LRBA: variants seen among roughly 807,000 people sequenced by gnomAD.
LRBA encodes lipopolysaccharide-responsive and beige-like anchor protein.
Under a neutral mutation model 330.0 loss-of-function variants are expected in LRBA, and 176 were observed. That is an observed-to-expected ratio of 0.53 (90% CI 0.47 to 0.60). The LOEUF is 0.60. Among genes scored for constraint, LRBA ranks in the 20% least tolerant of loss-of-function variants. The pLI, the probability that LRBA is intolerant of heterozygous loss-of-function variation, is 0.00. For missense variants in LRBA, 3,259 were observed against 3,444.8 expected, an observed-to-expected ratio of 0.95 and a Z score of 1.35; for synonymous variants, 1,230 against 1,193.0, an observed-to-expected ratio of 1.03 and a Z score of -0.64.
intron 35 of LRBA, among the ~76,000 whole-genome samples, chr4:150,751,792 T>C (rs1013872086): frequency 2.0e-5 from 3 of 152,172 alleles, no homozygotes; most frequent in Non-Finnish European, 4.4e-5. Flanking sequence ...AAAAGATTCA[T>C]ACTGGAGGCT....
chr4:150,383,502 C>T (rs1346878488), intron 47 of LRBA, among the ~76,000 whole-genome samples: 2 of 152,166 alleles, frequency 1.3e-5, no homozygotes, highest in Non-Finnish European at 2.9e-5. Context: ...GATCCTCCTC[C>T]TTGGCCTCCC....
intron 16 of LRBA, among the ~76,000 whole-genome samples, chr4:150,894,425 G>A (rs1729834224): frequency 6.6e-6 from 1 of 152,074 alleles, no homozygotes; most frequent in Non-Finnish European, 1.5e-5. Context: ...AACATTTACA[G>A]AATACCAGCA....
intron 36 of LRBA, among the ~76,000 whole-genome samples, chr4:150,696,121 T>G (rs1041705277): frequency 6.6e-6 from 1 of 152,082 alleles, no homozygotes; most frequent in Non-Finnish European, 1.5e-5. Context: ...TCCTAGCTAC[T>G]TGGGAGGATG....
At chr4:150,951,435 C>T (rs1181544329) in intron 2 of LRBA, among the ~76,000 whole-genome samples, 4 of 151,860 alleles carry the variant, frequency 2.6e-5, no homozygotes, top group Non-Finnish European at 5.9e-5. Context: ...GTGACACATT[C>T]CATTTTATCA....
chr4:150,909,678 A>G (rs1013459537), intron 9 of LRBA, among the ~76,000 whole-genome samples: 3 of 152,166 alleles, frequency 2.0e-5, no homozygotes, highest in Non-Finnish European at 4.4e-5. Flanking sequence ...TATATATCCC[A>G]TAAGTGAGAT....
intron 37 of LRBA, among the ~76,000 whole-genome samples, chr4:150,608,458 C>T (rs1030062467): frequency 6.6e-5 from 10 of 152,062 alleles, no homozygotes; most frequent in East Asian, 5.8e-4. Flanking sequence ...CAAAATAGAA[C>T]GGTGCCAAAA....
intron 47 of LRBA, among the ~76,000 whole-genome samples, chr4:150,376,964 G>A (rs1227617411): frequency 6.6e-6 from 1 of 151,892 alleles, no homozygotes; most frequent in Admixed American, 6.6e-5. Flanking sequence ...GAAAAGGTCG[G>A]GGTGGGAGTG....
In LRBA at chr4:150,677,308, G is replaced by A. The variant is rs192210278; in HGVS notation, c.5921+6243C>T. Among the ~76,000 whole-genome samples, 7 of 152,256 alleles carry A rather than the reference G, an allele frequency of 4.6e-5. No homozygotes were observed. In the East Asian group the frequency reaches 1.3e-3, roughly 29 times the overall value. Reference sequence around the variant, plus strand: ...TGATTATAAATGCCACAGAAGATAGGAGGAAAGAATATCAAGAAAAACTGG... The same window carrying A: ...TGATTATAAATGCCACAGAAGATAGAAGGAAAGAATATCAAGAAAAACTGG... On this transcript the variant is annotated intron_variant, in intron 37 of 56. Coordinates refer to ENST00000651943, the MANE Select transcript of LRBA (RefSeq NM_001364905.1).
intron 41 of LRBA, 28 bp downstream of exon 41, chr4:150,490,890 G>A (rs1758843478): frequency 7.5e-7 from 1 of 1,334,956 alleles, no homozygotes; most frequent in South Asian, 1.2e-5. Context: ...AGTTAGCTCT[G>A]TAACAACGTA....
intron 5 of LRBA, among the ~76,000 whole-genome samples, chr4:150,920,818 C>A (rs1300161743): frequency 2.0e-5 from 3 of 151,996 alleles, no homozygotes; most frequent in Non-Finnish European, 2.9e-5. Flanking sequence ...TCTTCACTAT[C>A]ATTCTATACA....
intron 38 of LRBA, among the ~76,000 whole-genome samples, chr4:150,597,398 A>G (rs1773621763): frequency 1.3e-5 from 2 of 151,896 alleles, no homozygotes; most frequent in African/African-American, 4.8e-5. Context: ...AATAAATTCT[A>G]TATTAAATCT....
intron 5 of LRBA, among the ~76,000 whole-genome samples, chr4:150,917,827 G>T (rs558479248): frequency 2.0e-5 from 3 of 152,026 alleles, no homozygotes; most frequent in African/African-American, 7.2e-5. Flanking sequence ...TACTCAGGAG[G>T]GTGAGGCAGG....
chr4:150,273,043 G>A (rs1187265250), intron 56 of LRBA, among the ~76,000 whole-genome samples: 2 of 152,136 alleles, frequency 1.3e-5, no homozygotes, highest in African/African-American at 2.4e-5. Flanking sequence ...AGGAAAAATT[G>A]TTAAGGGCAG....
At chr4:150,443,985 T>C (rs531649038) in intron 44 of LRBA, among the ~76,000 whole-genome samples, 8 of 150,540 alleles carry the variant, frequency 5.3e-5, no homozygotes, top group African/African-American at 1.9e-4. Flanking sequence ...ATTAGAATCC[T>C]TTCATGGGAG....
At chr4:150,803,103 C>CACACACACACATATAT (rs1741968255) in intron 33 of LRBA, among the ~76,000 whole-genome samples, 1 of 146,128 alleles carries the variant, frequency 6.8e-6, no homozygotes, top group Non-Finnish European at 1.5e-5. Flanking sequence ...CACACACACA[C>CACACACACACATATAT]ACACACATAT....
At chr4:150,890,625 TAA>T (rs975227507) in intron 17 of LRBA, among the ~76,000 whole-genome samples, 2 of 152,150 alleles carry the variant, frequency 1.3e-5, no homozygotes, top group African/African-American at 4.8e-5. Flanking sequence ...ATGCCAGTGA[TAA>T]AAAGGTCTAG....
chr4:150,592,423 A>G (rs1048899609), intron 38 of LRBA, among the ~76,000 whole-genome samples: 4 of 151,826 alleles, frequency 2.6e-5, no homozygotes, highest in South Asian at 4.2e-4. Context: ...CCATTTATAT[A>G]CAATACTTAT....
intron 37 of LRBA, among the ~76,000 whole-genome samples, chr4:150,675,419 T>C (rs1782441667): frequency 6.6e-6 from 1 of 152,086 alleles, no homozygotes; most frequent in South Asian, 2.1e-4. Flanking sequence ...ATAATCCTTA[T>C]AAAAATACTT....
intron 50 of LRBA, among the ~76,000 whole-genome samples, chr4:150,320,902 T>C (rs1221796702): frequency 6.6e-6 from 1 of 152,056 alleles, no homozygotes; most frequent in African/African-American, 2.4e-5. Context: ...ATATATACTG[T>C]TTATGGACAT....
Sources: gnomAD v4.1 joint callset for allele counts (sites outside exome capture counted in the v4.1 genomes callset) on GRCh38, gnomAD v4.1.1 for gene constraint, MANE v1.5 for transcripts, NCBI Gene and HGNC (gene_info 2026-07-23, HGNC 2026-07-21) for gene names.